IL15: variants seen among roughly 807,000 people sequenced by gnomAD.
IL15 encodes the protein interleukin-15.
In IL15, 11 loss-of-function variants were observed where a neutral mutation model predicts 19.6. That is an observed-to-expected ratio of 0.56 (90% CI 0.35 to 0.93). The LOEUF (loss-of-function observed/expected upper bound fraction) is 0.93, where lower values mean the gene tolerates loss of function less well. Among genes scored for constraint, IL15 ranks in the 40% least tolerant of loss-of-function variants. The probability of loss-of-function intolerance (pLI) is 0.01; values close to 1 mark genes in which losing one functional copy is unlikely to be tolerated. For missense variants in IL15, 197 were observed against 186.5 expected (o/e 1.06, Z -0.33); for synonymous variants, 58 against 59.6 (o/e 0.97, Z 0.12).
chr4:141,672,453 C>T (rs888191762), intron 2 of IL15, among the ~76,000 whole-genome samples: 4 of 152,128 alleles, frequency 2.6e-5, no homozygotes, highest in African/African-American at 9.7e-5. Flanking sequence ...AATATCATTT[C>T]TAACTAGACA....
At chr4:141,677,529 G>A (rs1171467828) in intron 2 of IL15, among the ~76,000 whole-genome samples, 2 of 152,120 alleles carry the variant, frequency 1.3e-5, no homozygotes. Context: ...CCGGGGATCA[G>A]TGCCCCAGCC....
intron 2 of IL15, among the ~76,000 whole-genome samples, chr4:141,679,124 A>G (rs1005473747): frequency 6.6e-6 from 1 of 152,184 alleles, no homozygotes; most frequent in African/African-American, 2.4e-5. Flanking sequence ...AGCAGTATGG[A>G]TTGTGTATGA....
intron 1 of IL15, among the ~76,000 whole-genome samples, chr4:141,648,834 G>A (rs550820086): frequency 6.6e-6 from 1 of 152,148 alleles, no homozygotes; most frequent in African/African-American, 2.4e-5. Context: ...TATAAAGCAT[G>A]GCTTCCAGGC....
At chr4:141,730,661 G>C (rs916922704) in intron 7 of IL15, among the ~76,000 whole-genome samples, 2 of 152,224 alleles carry the variant, frequency 1.3e-5, no homozygotes, top group Non-Finnish European at 1.5e-5. Context: ...AGCAGTAGAG[G>C]GTTCCAGGAG....
intron 2 of IL15, among the ~76,000 whole-genome samples, chr4:141,709,257 AG>A (rs1037575797): frequency 6.6e-6 from 1 of 152,184 alleles, no homozygotes; most frequent in African/African-American, 2.4e-5. Context: ...CTTTAGGTCT[AG>A]GTCATAGATG....
chr4:141,700,925 A>G (rs1729274985), intron 2 of IL15, among the ~76,000 whole-genome samples: 1 of 151,616 alleles, frequency 6.6e-6, no homozygotes, highest in African/African-American at 2.4e-5. Flanking sequence ...GAAACTTTCC[A>G]CTGCATTTTG....
intron 1 of IL15, among the ~76,000 whole-genome samples, chr4:141,649,523 T>G (rs984310078): frequency 3.9e-5 from 6 of 152,000 alleles, no homozygotes; most frequent in Admixed American, 6.6e-5. Flanking sequence ...TTAATAAGAA[T>G]TATAAAGATT....
At chr4:141,650,915 T>A (rs1023795041) in intron 1 of IL15, among the ~76,000 whole-genome samples, 3 of 152,034 alleles carry the variant, frequency 2.0e-5, no homozygotes, top group African/African-American at 7.2e-5. Flanking sequence ...AGGGTCCAAG[T>A]CTCTAGACCC....
chr4:141,711,333 G>T (rs1291846193), intron 2 of IL15, among the ~76,000 whole-genome samples: 1 of 152,078 alleles, frequency 6.6e-6, no homozygotes, highest in African/African-American at 2.4e-5. Context: ...TTGGCGAGAT[G>T]AATGTAGCAG....
chr4:141,729,000 G>T (rs533045501), intron 6 of IL15, among the ~76,000 whole-genome samples: 2 of 152,192 alleles, frequency 1.3e-5, no homozygotes, highest in African/African-American at 4.8e-5. Context: ...TTTTACTTGT[G>T]TTACCTTGGA....
intron 2 of IL15, among the ~76,000 whole-genome samples, chr4:141,658,448 A>G (rs1212909389): frequency 6.6e-6 from 1 of 152,108 alleles, no homozygotes; most frequent in African/African-American, 2.4e-5. Flanking sequence ...GGACCACCTC[A>G]TTGTATATGC....
At chr4:141,710,559 A>G (rs1313324263) in intron 2 of IL15, among the ~76,000 whole-genome samples, 3 of 152,246 alleles carry the variant, frequency 2.0e-5, no homozygotes, top group Non-Finnish European at 2.9e-5. Context: ...GTAAGGAAAT[A>G]TAGTTTATTT....
At chr4:141,720,641 A>T in intron 4 of IL15, 75 bp downstream of exon 4, 1 of 878,388 alleles carries the variant, frequency 1.1e-6, no homozygotes. Context: ...TTTTCCATTA[A>T]ATTAGTTTAC....
intron 2 of IL15, among the ~76,000 whole-genome samples, chr4:141,702,035 G>C (rs984813696): frequency 1.3e-5 from 2 of 152,204 alleles, no homozygotes; most frequent in Non-Finnish European, 2.9e-5. Flanking sequence ...AACTCCAGTT[G>C]TGTCCGCAGT....
intron 2 of IL15, among the ~76,000 whole-genome samples, chr4:141,679,081 C>A (rs116002929): frequency 5.4e-4 from 82 of 152,236 alleles, no homozygotes; most frequent in Non-Finnish European, 1.0e-3. Flanking sequence ...CAGAGACAGC[C>A]TCCCAGATTA....
At chr4:141,649,865 A>T (rs1206889292) in intron 1 of IL15, among the ~76,000 whole-genome samples, 1 of 152,078 alleles carries the variant, frequency 6.6e-6, no homozygotes, top group Non-Finnish European at 1.5e-5. Context: ...ATAAAAATAG[A>T]TTGGATTTTC....
chr4:141,659,505 T>C (rs1352896739), intron 2 of IL15, among the ~76,000 whole-genome samples: 2 of 152,204 alleles, frequency 1.3e-5, no homozygotes, highest in Non-Finnish European at 2.9e-5. Flanking sequence ...CTGGCCAGTG[T>C]CTTATTGATA....
At chr4:141,642,901 C>A (rs1412392824) in intron 1 of IL15, among the ~76,000 whole-genome samples, 3 of 152,122 alleles carry the variant, frequency 2.0e-5, no homozygotes, top group African/African-American at 7.2e-5. Flanking sequence ...ATGTGCTTAG[C>A]AGAGGGTTGG....
chr4:141,680,382 A>G (rs948067952), intron 2 of IL15, among the ~76,000 whole-genome samples: 1 of 152,236 alleles, frequency 6.6e-6, no homozygotes, highest in African/African-American at 2.4e-5. Context: ...TACTGAATGA[A>G]TATTGTATCA....
Sources: allele counts gnomAD v4.1 joint callset (sites outside exome capture counted in the v4.1 genomes callset), GRCh38; gene constraint gnomAD v4.1.1; transcripts MANE v1.5; gene names NCBI Gene and HGNC (gene_info 2026-07-23, HGNC 2026-07-21).